TTLL7: variants seen among roughly 807,000 people sequenced by gnomAD.
TTLL7 encodes the protein tubulin tyrosine ligase like 7.
In TTLL7, 53 loss-of-function variants were observed where a neutral mutation model predicts 120.2. That is an observed-to-expected ratio of 0.44 (90% CI 0.35 to 0.55). The LOEUF (loss-of-function observed/expected upper bound fraction) is 0.55, where lower values mean the gene tolerates loss of function less well. Among genes scored for constraint, TTLL7 ranks in the 20% least tolerant of loss-of-function variants. The pLI is 0.00. For missense variants in TTLL7, 803 were observed against 1,054.7 expected (o/e 0.76, Z 3.31); for synonymous variants, 353 against 351.7 (o/e 1.00, Z -0.04).
At chr1:83,897,216 A>C (rs1432068893) in intron 18 of TTLL7, among the ~76,000 whole-genome samples, 1 of 152,070 alleles carries the variant, frequency 6.6e-6, no homozygotes, top group Non-Finnish European at 1.5e-5. Context: ...TCAATCCTGG[A>C]ACAGGAAAAG....
intron 1 of TTLL7, among the ~76,000 whole-genome samples, chr1:83,978,073 T>C (rs927823428): frequency 6.6e-6 from 1 of 152,208 alleles, no homozygotes; most frequent in Non-Finnish European, 1.5e-5. Context: ...ATAGTAGACA[T>C]ATATATTTAT....
At chr1:83,876,351 T>C (rs892480034) in intron 20 of TTLL7, among the ~76,000 whole-genome samples, 1 of 151,930 alleles carries the variant, frequency 6.6e-6, no homozygotes, top group African/African-American at 2.4e-5. Flanking sequence ...CTTGAGACAC[T>C]GTAGTTACTA....
intron 1 of TTLL7, among the ~76,000 whole-genome samples, chr1:83,981,763 G>A (rs957236471): frequency 3.3e-5 from 5 of 151,628 alleles, no homozygotes; most frequent in South Asian, 2.1e-4. Context: ...ACCCGGGGGC[G>A]GAGCTTTCAG....
intron 9 of TTLL7, among the ~76,000 whole-genome samples, chr1:83,929,957 T>C (rs1659460509): frequency 6.6e-6 from 1 of 152,124 alleles, no homozygotes; most frequent in Admixed American, 6.6e-5. Context: ...GTTATACACA[T>C]CTGTCACCAC....
chr1:83,909,859 A>G (rs2100768970), intron 15 of TTLL7, among the ~76,000 whole-genome samples: 1 of 152,160 alleles, frequency 6.6e-6, no homozygotes, highest in Non-Finnish European at 1.5e-5. Context: ...TTAAAAACTG[A>G]CCAAATTTGG....
chr1:83,945,381 AT>A (rs1336077562), intron 6 of TTLL7, among the ~76,000 whole-genome samples: 4 of 152,220 alleles, frequency 2.6e-5, no homozygotes, highest in Non-Finnish European at 5.9e-5. Flanking sequence ...TTATATAATG[AT>A]TTTTTAAAAG....
chr1:83,961,721 T>C (rs754867496), intron 1 of TTLL7, among the ~76,000 whole-genome samples: 1 of 152,146 alleles, frequency 6.6e-6, no homozygotes, highest in Non-Finnish European at 1.5e-5. Flanking sequence ...CAAAAGCCTC[T>C]TTGGGCATAT....
intron 9 of TTLL7, among the ~76,000 whole-genome samples, chr1:83,929,784 G>T (rs755059413): frequency 6.6e-6 from 1 of 152,020 alleles, no homozygotes; most frequent in Non-Finnish European, 1.5e-5. Context: ...TATTGTCATT[G>T]TTATAAAAAT....
At chr1:83,917,792 A>G in intron 13 of TTLL7, 102 bp from the exon 14 acceptor site, 1 of 742,584 alleles carries the variant, frequency 1.3e-6, no homozygotes, top group Non-Finnish European at 2.2e-6. Flanking sequence ...GGATTCCTGA[A>G]ATTATTTAGT....
chr1:83,960,194 T>C (rs1331644516), intron 1 of TTLL7, among the ~76,000 whole-genome samples: 2 of 152,310 alleles, frequency 1.3e-5, no homozygotes, highest in East Asian at 1.9e-4. Flanking sequence ...ATATAAATCA[T>C]ACTGCTGAAA....
chr1:83,939,946 G>A (rs538065044), intron 7 of TTLL7, among the ~76,000 whole-genome samples: 21 of 151,978 alleles, frequency 1.4e-4, no homozygotes, highest in African/African-American at 2.9e-4. Context: ...TTACATAACC[G>A]TGGTCTCACT....
At chr1:83,981,831 A>C (rs932175459) in intron 1 of TTLL7, among the ~76,000 whole-genome samples, 11 of 130,352 alleles carry the variant, frequency 8.4e-5, no homozygotes, top group African/African-American at 2.1e-4. Context: ...ACTCTGTCAC[A>C]AAAAAAAAAA....
chr1:83,958,833 T>C (rs1167766055), intron 1 of TTLL7, among the ~76,000 whole-genome samples: 1 of 152,186 alleles, frequency 6.6e-6, no homozygotes, highest in Non-Finnish European at 1.5e-5. Flanking sequence ...GGGACTACTG[T>C]TCAAGTTCAG....
At chr1:83,886,886 C>T (rs1655017766) in intron 19 of TTLL7, among the ~76,000 whole-genome samples, 1 of 152,000 alleles carries the variant, frequency 6.6e-6, no homozygotes, top group South Asian at 2.1e-4. Flanking sequence ...CTCAGACTTC[C>T]TCTATCCCAG....
rs369584869 is a variant in TTLL7 at position 83,967,284 on chromosome 1, GACA to G, written c.-176-14900_-176-14898del. 4.7e-3 allele frequency among the ~76,000 whole-genome samples: 708 copies of G among 151,492 alleles called. 4 individuals carry two copies. Among genetic ancestry groups the G allele is most frequent in the African/African-American group, 0.016 (655 of 41,396 alleles). ...TCTGGAGTGCAACAAAATTTCTAAG[GACA>G]ACAACAACCACCTTTTGCCAACTAT... On this transcript the variant is annotated intron_variant, in intron 1 of 20. Coordinates refer to ENST00000260505, the MANE Select transcript of TTLL7 (RefSeq NM_024686.6).
intron 8 of TTLL7, among the ~76,000 whole-genome samples, chr1:83,935,160 C>A (rs1003885288): frequency 2.6e-5 from 4 of 151,946 alleles, no homozygotes; most frequent in Admixed American, 2.0e-4. Context: ...CATGACAGCA[C>A]CATAGCATAT....
chr1:83,972,821 A>AC (rs1651113209), intron 1 of TTLL7, among the ~76,000 whole-genome samples: 1 of 152,092 alleles, frequency 6.6e-6, no homozygotes, highest in Non-Finnish European at 1.5e-5. Context: ...TTCCCTAATG[A>AC]CATAGATGCG....
chr1:83,979,033 G>C (rs1393656971), intron 1 of TTLL7: 1 of 152,222 alleles, frequency 6.6e-6, no homozygotes, highest in African/African-American at 2.4e-5. Context: ...CTCAGAAGCA[G>C]AGAGGAGACC....
chr1:83,942,559 C>A lies in TTLL7; in HGVS notation c.627G>T (p.Leu209=). The A allele has an allele frequency of 6.2e-7, 1 of 1,613,974 alleles. No individual in the cohort carries two copies. Among genetic ancestry groups the A allele is most frequent in the Non-Finnish European group, 8.5e-7 (1 of 1,179,936 alleles). ...GYKFDLRIYI[L]VTSCDPLKIF... is the part of the protein sequence containing the mutation. The stretch of plus-strand genomic sequence containing the variant: ...TTTTTAGTGGATCACACGATGTAAC[C>A]AGAATATAAATTCGTAAGTCAAACT... The change falls in exon 7 of 21, where the codon CTG becomes CTT. Residue 209 remains leucine (L), a synonymous_variant. Transcript: ENST00000260505.
Sources: gnomAD v4.1 joint callset for allele counts (sites outside exome capture counted in the v4.1 genomes callset) on GRCh38, gnomAD v4.1.1 for gene constraint, MANE v1.5 for transcripts, NCBI Gene and HGNC (gene_info 2026-07-23, HGNC 2026-07-21) for gene names.